The following SLC2A1 variants were observed in gnomAD, a reference collection of about 807,000 sequenced individuals.
The protein encoded by SLC2A1 is solute carrier family 2 member 1, also known as solute carrier family 2, facilitated glucose transporter member 1.
Under a neutral mutation model 46.6 loss-of-function variants are expected in SLC2A1, and 4 were observed. The observed-to-expected ratio is 0.09, with a 90% CI of 0.04 to 0.20. The LOEUF (loss-of-function observed/expected upper bound fraction) is 0.20. Among genes scored for constraint, SLC2A1 ranks in the 10% least tolerant of loss-of-function variants. The pLI is 1.00. For synonymous variants in SLC2A1, 253 were observed against 270.0 expected, an observed-to-expected ratio of 0.94 and a Z score of 0.62; for missense variants, 352 against 667.0, an observed-to-expected ratio of 0.53 and a Z score of 5.20.
chr1:42,933,393 G>A (rs942240935), intron 2 of SLC2A1, among the ~76,000 whole-genome samples: 3 of 151,970 alleles, frequency 2.0e-5, no homozygotes, highest in Non-Finnish European at 4.4e-5. Flanking sequence ...GAAACCTTTC[G>A]AGATCCAGGT....
chr1:42,939,952 C>CAAAAAA (rs33944767), intron 2 of SLC2A1, among the ~76,000 whole-genome samples: 1 of 91,626 alleles, frequency 1.1e-5, no homozygotes, highest in Non-Finnish European at 2.1e-5. Context: ...GACTCCGTCT[C>CAAAAAA]AAAAAAAAAA....
rs762157091 is a variant in SLC2A1 at position 42,929,358 on chromosome 1, GCCCTT to G, written c.868-49_868-45del. ...TGTTGGGGCCTACCTGGACATTGTG[GCCCTT>G]CCCTGCCTCTGTAGCAGTGGATGTG... On this transcript the variant is annotated intron_variant, in intron 6 of 9. Coordinates refer to ENST00000426263, the MANE Select transcript of SLC2A1 (RefSeq NM_006516.4). This position sits in a 1 kb window ranked among gnomAD's most constrained non-coding sequence, Gnocchi z 6.0. The G allele has an allele frequency of 2.3e-5, 34 of 1,462,026 alleles. No homozygotes were observed. Among genetic ancestry groups the G allele is most frequent in the Middle Eastern group, 1.7e-4 (1 of 5,822 alleles). 90.6% of individuals were successfully genotyped at this position (1,462,026 alleles called of 1,614,324 possible). A position where few individuals can be genotyped will look rare whatever the true frequency, so the allele number is the denominator to read the frequency against.
At chr1:42,938,771 C>T (rs534325174) in intron 2 of SLC2A1, among the ~76,000 whole-genome samples, 2 of 152,364 alleles carry the variant, frequency 1.3e-5, no homozygotes, top group East Asian at 3.9e-4. Context: ...CCCTCCTGCC[C>T]TATGAGGTCA....
intron 1 of SLC2A1, among the ~76,000 whole-genome samples, chr1:42,950,346 C>A (rs1643707202): frequency 6.6e-6 from 1 of 152,218 alleles, no homozygotes; most frequent in African/African-American, 2.4e-5. Flanking sequence ...AGTTGATCGG[C>A]CTCTGCTTTA....
At chr1:42,935,105 G>A (rs1439645841) in intron 2 of SLC2A1, among the ~76,000 whole-genome samples, 1 of 152,160 alleles carries the variant, frequency 6.6e-6, no homozygotes. Flanking sequence ...GGGAGGAGCG[G>A]TTCTGGTTAG....
chr1:42,929,946 G>A lies in SLC2A1; in HGVS notation c.606C>T (p.Ile202=), dbSNP rs779779804. 3.3e-5 allele frequency: 53 copies of A among 1,614,030 alleles called. No homozygotes were observed. The Middle Eastern group carries it at 4.9e-4, about 15-fold the overall frequency. ...GACTCTCGGGGCAGAAGGGCAGCAC[G>A]ATGCACTGCAGCAGGGCCGGGATGA... ...IIFIPALLQC[I]VLPFCPESPR... Residue 202 remains isoleucine, a synonymous_variant, in exon 5 of 10, where the codon ATC becomes ATT. Transcript: ENST00000426263. The surrounding 1 kb of genome is among the most constrained non-coding windows in gnomAD (Gnocchi z 6.0).
intron 1 of SLC2A1, among the ~76,000 whole-genome samples, chr1:42,955,907 G>A (rs1274113119): frequency 6.6e-6 from 1 of 152,180 alleles, no homozygotes; most frequent in Non-Finnish European, 1.5e-5. Context: ...GGAGCACAAT[G>A]GAACACGGGG....
chr1:42,941,033 C>G (rs1201618934), intron 2 of SLC2A1, among the ~76,000 whole-genome samples: 5 of 152,190 alleles, frequency 3.3e-5, no homozygotes, highest in Admixed American at 2.6e-4. Context: ...TGCCCTCGCA[C>G]GGAATTGATG....
chr1:42,939,238 T>C (rs1370011276), intron 2 of SLC2A1, among the ~76,000 whole-genome samples: 1 of 152,250 alleles, frequency 6.6e-6, no homozygotes, highest in Non-Finnish European at 1.5e-5. Context: ...CCTTCTGTCC[T>C]CTCTTCACAT....
At chr1:42,931,299 C>T (rs929063399) in intron 2 of SLC2A1, 93 bp from the exon 3 acceptor site, 4 of 1,302,874 alleles carry the variant, frequency 3.1e-6, no homozygotes, top group Non-Finnish European at 3.2e-6. Context: ...TAAGAGAGGG[C>T]CAGGGCCTGG....
intron 1 of SLC2A1, among the ~76,000 whole-genome samples, chr1:42,957,489 G>A (rs1643788610): frequency 6.6e-6 from 1 of 152,128 alleles, no homozygotes; most frequent in Non-Finnish European, 1.5e-5. Context: ...TCCCAGCTAA[G>A]AAAACAAGGG....
intron 2 of SLC2A1, among the ~76,000 whole-genome samples, chr1:42,942,631 C>T (rs140376301): frequency 1.3e-5 from 2 of 152,012 alleles, no homozygotes; most frequent in South Asian, 2.1e-4. Context: ...AGGGAGAGGA[C>T]GCGGTTTCAA....
In SLC2A1 at chr1:42,929,185, G is replaced by C. The variant is rs187701356; in HGVS notation, c.972+25C>G. On this transcript the variant is annotated intron_variant, in intron 7 of 9. Coordinates refer to ENST00000426263, the MANE Select transcript of SLC2A1 (RefSeq NM_006516.4). This position sits in a 1 kb window ranked among gnomAD's most constrained non-coding sequence, Gnocchi z 6.0. ...CTGCCTCCTCCCTGGGGTTTGGCTG[G>C]GGGGGCCAGTAAGCAAAGACTCACC... The C allele has an allele frequency of 3.7e-6, 6 of 1,602,052 alleles. No individual in the cohort carries two copies. The Middle Eastern group carries it at 6.6e-4, about 177-fold the overall frequency.
chr1:42,939,774 C>T (rs113783409), intron 2 of SLC2A1, among the ~76,000 whole-genome samples: 12 of 152,008 alleles, frequency 7.9e-5, no homozygotes, highest in Non-Finnish European at 1.6e-4. Context: ...CTGGTGAAAC[C>T]CCATCTCTAC....
At chr1:42,952,826 C>A (rs1000184234) in intron 1 of SLC2A1, among the ~76,000 whole-genome samples, 1 of 152,228 alleles carries the variant, frequency 6.6e-6, no homozygotes, top group Non-Finnish European at 1.5e-5. Context: ...TCCACCTCTT[C>A]CTCCAGCAGA....
chr1:42,951,058 G>C (rs904576708), intron 1 of SLC2A1, among the ~76,000 whole-genome samples: 5 of 152,234 alleles, frequency 3.3e-5, no homozygotes, highest in Non-Finnish European at 7.3e-5. Flanking sequence ...GCTAAGGAAA[G>C]ATTATGCCTG....
At position 42,926,834 on chromosome 1, in the gene SLC2A1, G is replaced by A. The variant is rs1643431737; in HGVS notation, c.*207C>T. The stretch of plus-strand genomic sequence containing the variant: ...ATAAAACCTGTTGCTTGTCTGAATA[G>A]ATTTGAGCAACAGTCTTGCTTTTGT... On this transcript the variant is annotated 3_prime_UTR_variant, in exon 10 of 10. Transcript: ENST00000426263. The A allele has an allele frequency of 1.3e-6, 2 of 1,484,988 alleles. No homozygotes were observed. The highest frequency in any genetic ancestry group is 1.4e-5 in the African/African-American group (1 of 70,972). The allele number at this position is 1,484,988 out of a possible 1,614,324, so 92.0% of individuals were successfully genotyped here. A position where few individuals can be genotyped will look rare whatever the true frequency, so the allele number is the denominator to read the frequency against.
At chr1:42,945,804 G>A (rs1044713984) in intron 1 of SLC2A1, among the ~76,000 whole-genome samples, 13 of 151,912 alleles carry the variant, frequency 8.6e-5, no homozygotes, top group Non-Finnish European at 1.3e-4. Flanking sequence ...CTAACCCCGG[G>A]GGGGCCTGGG....
intron 2 of SLC2A1, among the ~76,000 whole-genome samples, chr1:42,933,273 C>T (rs1268587269): frequency 6.6e-6 from 1 of 152,174 alleles, no homozygotes; most frequent in Non-Finnish European, 1.5e-5. Flanking sequence ...GGTATCAATC[C>T]AATCTCCCTA....
Sources: gnomAD v4.1 joint callset for allele counts (sites outside exome capture counted in the v4.1 genomes callset) on GRCh38, gnomAD v4.1.1 for gene constraint, Gnocchi (gnomAD v3.1) non-coding constraint, MANE v1.5 for transcripts, NCBI Gene and HGNC (gene_info 2026-07-23, HGNC 2026-07-21) for gene names.